MINDY4: variants seen among roughly 807,000 people sequenced by gnomAD.
MINDY4 encodes probable ubiquitin carboxyl-terminal hydrolase MINDY-4.
Under a neutral mutation model 87.0 loss-of-function variants are expected in MINDY4, and 68 were observed. The observed-to-expected ratio is 0.78, with a 90% CI of 0.64 to 0.96. The LOEUF (loss-of-function observed/expected upper bound fraction) is 0.96, where lower values mean the gene tolerates loss of function less well. Among genes scored for constraint, MINDY4 ranks in the 40% least tolerant of loss-of-function variants. The pLI is 0.00. For synonymous variants in MINDY4, 379 were observed against 363.2 expected, an observed-to-expected ratio of 1.04 and a Z score of -0.50; for missense variants, 919 against 928.2, an observed-to-expected ratio of 0.99 and a Z score of 0.13.
At chr7:30,842,525 G>A (rs755059407) in intron 9 of MINDY4, among the ~76,000 whole-genome samples, 8 of 152,146 alleles carry the variant, frequency 5.3e-5, no homozygotes, top group Non-Finnish European at 1.0e-4. Context: ...TTCCTTCCTT[G>A]CACTGAAAAA....
chr7:30,885,682 G>C (rs1005875713), intron 17 of MINDY4, among the ~76,000 whole-genome samples: 5 of 151,770 alleles, frequency 3.3e-5, no homozygotes, highest in Non-Finnish European at 7.4e-5. Context: ...ACCACACTTT[G>C]AGAACCAGGT....
In MINDY4 at chr7:30,786,007, C is replaced by G. The variant is rs1333502977; in HGVS notation, c.663+15C>G. On this transcript the variant is annotated intron_variant, in intron 4 of 17. Coordinates refer to ENST00000265299, the MANE Select transcript of MINDY4 (RefSeq NM_032222.3). ...GCTCCCCACAGGTGGGGCTGTTGCT[C>G]TTTCTGTTGTTATGGGACTGGAGGC... is the stretch of plus-strand genomic sequence containing the variant. 2 of 1,613,026 alleles carry G rather than the reference C, an allele frequency of 1.2e-6. No individual in the cohort carries two copies. Among genetic ancestry groups the G allele is most frequent in the Non-Finnish European group, 1.7e-6 (2 of 1,179,600 alleles).
chr7:30,850,432 G>A, intron 9 of MINDY4, 22 bp from the exon 10 acceptor site: 1 of 1,601,724 alleles, frequency 6.2e-7, no homozygotes, highest in Non-Finnish European at 8.5e-7. Flanking sequence ...GGGCATAAAT[G>A]CCTTCCTTTT....
In MINDY4 at chr7:30,892,040, T is replaced by G; in HGVS notation, c.*35T>G. Reference sequence around the variant, plus strand: ...GTGGGTAAACCCTGTGGTCCACCACTCATCACCTCATCACCGAGGATGACA... The same window carrying G: ...GTGGGTAAACCCTGTGGTCCACCACGCATCACCTCATCACCGAGGATGACA... On this transcript the variant is annotated 3_prime_UTR_variant, in exon 18 of 18. Coordinates refer to ENST00000265299, the MANE Select transcript of MINDY4 (RefSeq NM_032222.3). 1 of 1,607,350 alleles carries G rather than the reference T, an allele frequency of 6.2e-7. No individual in the cohort carries two copies.
intron 4 of MINDY4, among the ~76,000 whole-genome samples, chr7:30,788,151 T>G (rs533496174): frequency 6.6e-6 from 1 of 152,342 alleles, no homozygotes; most frequent in African/African-American, 2.4e-5. Context: ...GTGTTTTGGT[T>G]GAAGTGTATG....
chr7:30,833,360 C>T (rs1239722621), intron 6 of MINDY4, among the ~76,000 whole-genome samples: 1 of 151,662 alleles, frequency 6.6e-6, no homozygotes, highest in Non-Finnish European at 1.5e-5. Flanking sequence ...AAAGAGAGAG[C>T]CTGTGTAGGC....
chr7:30,840,723 C>T lies in MINDY4; in HGVS notation c.1357-37C>T, dbSNP rs771118870. On this transcript the variant is annotated intron_variant, in intron 8 of 17. Coordinates refer to ENST00000265299, the MANE Select transcript of MINDY4 (RefSeq NM_032222.3). ...TGAAACCAAAAACTCTGCCCCAGGC[C>T]AGTTCTCACTGGCAGCAATGGTCTC... 138 of 1,601,928 alleles carry T rather than the reference C, an allele frequency of 8.6e-5. 2 individuals carry two copies. The Admixed American group carries it at 2.3e-3, about 26-fold the overall frequency.
intron 5 of MINDY4, among the ~76,000 whole-genome samples, chr7:30,798,836 G>A (rs574971624): frequency 5.9e-5 from 9 of 152,296 alleles, no homozygotes; most frequent in Admixed American, 3.9e-4. Context: ...GTGTTTCTTT[G>A]TGAACTGGCC....
intron 5 of MINDY4, among the ~76,000 whole-genome samples, chr7:30,791,826 T>C (rs1209075473): frequency 1.3e-5 from 2 of 152,148 alleles, no homozygotes; most frequent in Admixed American, 6.5e-5. Context: ...CTGGGCCACA[T>C]TGGAAGAACA....
intron 5 of MINDY4, among the ~76,000 whole-genome samples, chr7:30,827,188 TC>T (rs1584282950): frequency 6.6e-6 from 1 of 152,288 alleles, no homozygotes; most frequent in East Asian, 1.9e-4. Flanking sequence ...CTGCTGCTGT[TC>T]CCTGCTTGAA....
intron 6 of MINDY4, 142 bp downstream of exon 6, chr7:30,828,879 A>G (rs1253228873): frequency 2.9e-6 from 2 of 694,198 alleles, no homozygotes; most frequent in Non-Finnish European, 5.0e-6. Flanking sequence ...AGTAGAGTAG[A>G]CTACTCTCTC....
At chr7:30,883,396 G>A (rs1241986885) in intron 17 of MINDY4, among the ~76,000 whole-genome samples, 1 of 152,264 alleles carries the variant, frequency 6.6e-6, no homozygotes, top group East Asian at 1.9e-4. Flanking sequence ...GCCTGGCCCA[G>A]CCTGGGGGTG....
At chr7:30,795,102 G>A (rs1459476650) in intron 5 of MINDY4, among the ~76,000 whole-genome samples, 3 of 152,258 alleles carry the variant, frequency 2.0e-5, no homozygotes, top group Non-Finnish European at 2.9e-5. Flanking sequence ...ACAGCCCTCC[G>A]TTGGGGTGTG....
intron 5 of MINDY4, among the ~76,000 whole-genome samples, chr7:30,812,759 C>T (rs1023871028): frequency 4.6e-5 from 7 of 152,090 alleles, no homozygotes; most frequent in African/African-American, 1.4e-4. Context: ...CCCCCTTTTC[C>T]AGACCAGTCT....
At chr7:30,803,079 T>C (rs1367363880) in intron 5 of MINDY4, 5 of 152,290 alleles carry the variant, frequency 3.3e-5, no homozygotes, top group Non-Finnish European at 7.3e-5. Flanking sequence ...GTCCCAACTG[T>C]GATGCCCCAT....
chr7:30,856,667 A>G (rs978258596), intron 12 of MINDY4, among the ~76,000 whole-genome samples: 8 of 152,126 alleles, frequency 5.3e-5, no homozygotes, highest in Non-Finnish European at 1.0e-4. Context: ...GAAGTAGGCA[A>G]GAGTTCTAGA....
intron 7 of MINDY4, among the ~76,000 whole-genome samples, chr7:30,837,015 G>A (rs754895512): frequency 6.6e-6 from 1 of 152,064 alleles, no homozygotes; most frequent in Non-Finnish European, 1.5e-5. Context: ...TCCAAATACC[G>A]TGGGAATAGA....
Position 30,778,550 on chromosome 7 carries a change from AG to A in MINDY4, c.183+1del. The stretch of plus-strand genomic sequence containing the variant: ...CTTGAATTTCTCTATAAGGAGAACA[AG>A]GTATGTGCTTTCTAAGGTGTGGTGT... ...LHLEFLYKEN[K>X]AKENPLKTSL... On this transcript the variant is annotated frameshift_variant and splice_region_variant, in exon 2 of 18. Coordinates refer to ENST00000265299, the MANE Select transcript of MINDY4 (RefSeq NM_032222.3). LOFTEE classifies it high-confidence loss of function. The A allele has an allele frequency of 6.2e-7, 1 of 1,614,172 alleles. No homozygotes were observed. Among genetic ancestry groups the A allele is most frequent in the Non-Finnish European group, 8.5e-7 (1 of 1,180,014 alleles).
At chr7:30,827,016 C>T (rs1788535646) in intron 5 of MINDY4, among the ~76,000 whole-genome samples, 2 of 152,208 alleles carry the variant, frequency 1.3e-5, no homozygotes, top group South Asian at 4.1e-4. Context: ...ACTTTGGCAG[C>T]CATATAAAGA....
Sources: gnomAD v4.1 joint callset for allele counts (sites outside exome capture counted in the v4.1 genomes callset) on GRCh38, gnomAD v4.1.1 for gene constraint, MANE v1.5 for transcripts, NCBI Gene and HGNC (gene_info 2026-07-23, HGNC 2026-07-21) for gene names.